CACNA1D: variants seen among roughly 807,000 people sequenced by gnomAD.
CACNA1D encodes the protein calcium voltage-gated channel subunit alpha1 D.
CACNA1D carries 55 observed loss-of-function variants against 257.1 expected under a neutral mutation model. The ratio of observed to expected loss-of-function variants is 0.21; its 90% confidence interval spans 0.17 to 0.27. CACNA1D has a LOEUF of 0.27. Among genes scored for constraint, CACNA1D ranks in the 10% least tolerant of loss-of-function variants. The probability of loss-of-function intolerance (pLI) is 1.00; values close to 1 mark genes in which losing one functional copy is unlikely to be tolerated. For missense variants in CACNA1D, 1,876 were observed against 2,784.0 expected (o/e 0.67, Z 7.34); for synonymous variants, 980 against 1,014.9 (o/e 0.97, Z 0.65).
intron 9 of CACNA1D, among the ~76,000 whole-genome samples, chr3:53,708,486 AG>A (rs1302256421): frequency 1.3e-5 from 2 of 152,162 alleles, no homozygotes; most frequent in Non-Finnish European, 2.9e-5. Flanking sequence ...CACTGGGAGT[AG>A]TTGTCTGGAC....
At chr3:53,679,597 G>A (rs1052594312) in intron 8 of CACNA1D, 1 of 152,134 alleles carries the variant, frequency 6.6e-6, no homozygotes, top group Non-Finnish European at 1.5e-5. Context: ...AGTCTAAAAG[G>A]GACAGGGGAG....
At chr3:53,627,223 A>G (rs1415150998) in intron 3 of CACNA1D, among the ~76,000 whole-genome samples, 1 of 152,192 alleles carries the variant, frequency 6.6e-6, no homozygotes, top group East Asian at 1.9e-4. Flanking sequence ...CCTGCTGCAC[A>G]GCCTCTGGTT....
In CACNA1D at chr3:53,675,109, C is replaced by T. The variant is rs140137465; in HGVS notation, c.1220+1983C>T. Among the ~76,000 whole-genome samples the T allele has an allele frequency of 1.4e-4, 22 of 152,312 alleles. No individual in the cohort carries two copies. In the East Asian group the frequency reaches 2.5e-3, roughly 17 times the overall value. ...AATGTAGTCAGTTCCACACCAGGGA[C>T]GCATACTGTCACAGGAAGTCCCTAT... On this transcript the variant is annotated intron_variant, in intron 8 of 47. Transcript: ENST00000350061.
chr3:53,553,817 G>A (rs6445584), intron 3 of CACNA1D, among the ~76,000 whole-genome samples: 7,789 of 151,314 alleles, frequency 0.051, 723 homozygotes, highest in African/African-American at 0.18. Flanking sequence ...ATTAGGACTG[G>A]TGAGTTCAAA....
At chr3:53,790,938 A>G (rs933229319) in intron 40 of CACNA1D, 2 of 702,292 alleles carry the variant, frequency 2.8e-6, no homozygotes, top group East Asian at 2.7e-5. Flanking sequence ...AGGAGAACAG[A>G]TGCTAACAGA....
intron 21 of CACNA1D, 159 bp downstream of exon 21, chr3:53,740,498 T>A (rs1293567722): frequency 1.5e-6 from 1 of 681,214 alleles, no homozygotes; most frequent in Non-Finnish European, 2.7e-6. Flanking sequence ...TACCCGGCAG[T>A]GTGTTTAAGG....
intron 3 of CACNA1D, among the ~76,000 whole-genome samples, chr3:53,583,697 G>C (rs1341848474): frequency 1.3e-5 from 2 of 152,194 alleles, no homozygotes; most frequent in South Asian, 4.1e-4. Flanking sequence ...TGGACGTGAG[G>C]TGCCCAGCAG....
At chr3:53,727,113 A>G in intron 15 of CACNA1D, 114 bp downstream of exon 15, 3 of 1,228,964 alleles carry the variant, frequency 2.4e-6, no homozygotes, top group Admixed American at 3.4e-5. Context: ...AGGGAGGTAA[A>G]TGCCTTTACC....
chr3:53,745,638 C>T lies in CACNA1D; in HGVS notation c.3021C>T (p.Cys1007=), dbSNP rs770555402. The T allele has an allele frequency of 9.6e-5, 155 of 1,612,630 alleles. No individual in the cohort carries two copies. Among genetic ancestry groups the T allele is most frequent in the East Asian group, 2.4e-4 (11 of 44,898 alleles). Residue 1007 remains cysteine (C), a synonymous_variant, in exon 24 of 48, where the codon TGC becomes TGT. Transcript: ENST00000350061. The part of the protein sequence containing the change: ...RAKGLKHVVQ[C]VFVAIRTIGN... ...CCTCTCCGCAGCACGTGGTCCAGTG[C>T]GTCTTCGTGGCCATCCGGACCATCG...
At chr3:53,810,400 G>T in intron 47 of CACNA1D, 102 bp downstream of exon 47, 1 of 1,135,688 alleles carries the variant, frequency 8.8e-7, no homozygotes, top group Non-Finnish European at 1.3e-6. Context: ...GCCAGGCTGT[G>T]AGCTAGGCTG....
intron 3 of CACNA1D, among the ~76,000 whole-genome samples, chr3:53,587,475 A>G (rs550793031): frequency 6.6e-6 from 1 of 152,128 alleles, no homozygotes; most frequent in African/African-American, 2.4e-5. Context: ...GGGCAGGAGC[A>G]TGGACTCATT....
intron 3 of CACNA1D, among the ~76,000 whole-genome samples, chr3:53,642,831 T>C (rs1016295198): frequency 6.6e-6 from 1 of 152,242 alleles, no homozygotes; most frequent in African/African-American, 2.4e-5. Context: ...AGAAACCTCT[T>C]CAGAGAGTCT....
At chr3:53,734,929 G>A (rs1039063568) in intron 19 of CACNA1D, among the ~76,000 whole-genome samples, 51 of 152,316 alleles carry the variant, frequency 3.3e-4, no homozygotes, top group African/African-American at 1.2e-3. Context: ...GAACTGTTGA[G>A]GGCAGGCCTG....
chr3:53,663,030 T>C (rs1356658), intron 5 of CACNA1D, among the ~76,000 whole-genome samples: 3,908 of 152,150 alleles, frequency 0.026, 173 homozygotes, highest in African/African-American at 0.089. Context: ...AATTGATCAT[T>C]TTTGAAAAAA....
chr3:53,580,437 A>G (rs1400341605), intron 3 of CACNA1D, among the ~76,000 whole-genome samples: 2 of 152,196 alleles, frequency 1.3e-5, no homozygotes, highest in African/African-American at 4.8e-5. Flanking sequence ...ATGCTTGGCC[A>G]TCTCCTCTGC....
intron 26 of CACNA1D, among the ~76,000 whole-genome samples, 163 bp downstream of exon 26, chr3:53,747,611 C>G (rs1407733280): frequency 6.6e-6 from 1 of 152,144 alleles, no homozygotes; most frequent in African/African-American, 2.4e-5. Context: ...CCCACAGGGC[C>G]TCTTTCTGTG....
At chr3:53,702,320 G>A (rs1488714723) in intron 8 of CACNA1D, among the ~76,000 whole-genome samples, 1 of 152,212 alleles carries the variant, frequency 6.6e-6, no homozygotes, top group African/African-American at 2.4e-5. Flanking sequence ...CCCTTGTTGG[G>A]GGGTGTCAGA....
rs368694091 is a variant in CACNA1D, at chr3:53,719,784, C to T, written c.1505+3C>T. ...GCCATCTCAAAATCCAAACTCAGGT[C>T]AGTATCTTCTTTCTGTTTCTTCGTC... On this transcript the variant is annotated splice_donor_region_variant and intron_variant, in intron 11 of 47. Transcript: ENST00000350061. The T allele has an allele frequency of 2.4e-5, 39 of 1,613,042 alleles. No individual in the cohort carries two copies. Among genetic ancestry groups the T allele is most frequent in the Non-Finnish European group, 3.3e-5 (39 of 1,179,088 alleles).
At chr3:53,589,894 G>A (rs2093277802) in intron 3 of CACNA1D, among the ~76,000 whole-genome samples, 1 of 152,180 alleles carries the variant, frequency 6.6e-6, no homozygotes, top group African/African-American at 2.4e-5. Context: ...GGTTTGGGTG[G>A]CTGTTTCAGC....
Sources: allele counts gnomAD v4.1 joint callset (sites outside exome capture counted in the v4.1 genomes callset), GRCh38; gene constraint gnomAD v4.1.1; transcripts MANE v1.5; gene names NCBI Gene and HGNC (gene_info 2026-07-23, HGNC 2026-07-21).